The following SRPK2 variants were observed in gnomAD, a reference collection of about 807,000 sequenced individuals.
SRPK2 encodes SRSF protein kinase 2.
SRPK2 carries 21 observed loss-of-function variants against 90.8 expected under a neutral mutation model. The observed-to-expected ratio is 0.23, with a 90% CI of 0.16 to 0.33. SRPK2 has a LOEUF of 0.33. SRPK2 is among the 10% of genes least tolerant of loss of function. The pLI is 1.00. For synonymous variants in SRPK2, 288 were observed against 311.1 expected (o/e 0.93, Z 0.78); for missense variants, 620 against 869.0 (o/e 0.71, Z 3.60).
At chr7:105,288,835 G>A (rs1427581560) in intron 2 of SRPK2, among the ~76,000 whole-genome samples, 2 of 152,022 alleles carry the variant, frequency 1.3e-5, no homozygotes, top group Non-Finnish European at 2.9e-5. Context: ...TAAAGAAACT[G>A]GAGCCAAATG....
At chr7:105,308,833 C>G (rs183207852) in intron 2 of SRPK2, among the ~76,000 whole-genome samples, 6 of 152,136 alleles carry the variant, frequency 3.9e-5, no homozygotes, top group Non-Finnish European at 7.3e-5. Context: ...TAAAACTCCA[C>G]GAAAACTAAA....
At chr7:105,314,506 C>A (rs1400421484) in intron 2 of SRPK2, among the ~76,000 whole-genome samples, 2 of 152,084 alleles carry the variant, frequency 1.3e-5, no homozygotes, top group African/African-American at 4.8e-5. Flanking sequence ...GCCTCAGCCT[C>A]CTGAGTAGCT....
At chr7:105,281,576 T>C (rs1021249128) in intron 2 of SRPK2, among the ~76,000 whole-genome samples, 3 of 151,906 alleles carry the variant, frequency 2.0e-5, no homozygotes, top group Non-Finnish European at 4.4e-5. Context: ...CACTTGAGCC[T>C]TGAAGTTTAA....
At chr7:105,172,018 C>T (rs1791220451) in intron 3 of SRPK2, among the ~76,000 whole-genome samples, 1 of 152,076 alleles carries the variant, frequency 6.6e-6, no homozygotes, top group South Asian at 2.1e-4. Context: ...CTCAGCCTCC[C>T]ATGTAGCTGG....
At chr7:105,378,067 TGCTTACC>T (rs1355083304) in intron 2 of SRPK2, among the ~76,000 whole-genome samples, 1 of 152,132 alleles carries the variant, frequency 6.6e-6, no homozygotes, top group Non-Finnish European at 1.5e-5. Flanking sequence ...CCCTATTTAT[TGCTTACC>T]ACACCCTGCA....
Position 105,367,916 on chromosome 7 carries a change from T to C in SRPK2, c.71+20732A>G, listed in dbSNP as rs182537352. Among the ~76,000 whole-genome samples, 55 of 152,348 alleles carry C rather than the reference T, an allele frequency of 3.6e-4. No homozygotes were observed. The East Asian group carries it at 9.2e-3, about 26-fold the overall frequency. ...AATCTCCAAAAAATTTACCAATATA[T>C]TTATTGAAAAAAATTTCCACAGGAC... On this transcript the variant is annotated intron_variant, in intron 2 of 15. Transcript: ENST00000393651.
chr7:105,195,167 C>T (rs970931238), intron 3 of SRPK2, among the ~76,000 whole-genome samples: 2 of 152,124 alleles, frequency 1.3e-5, no homozygotes, highest in African/African-American at 4.8e-5. Context: ...CTCCTGCCTC[C>T]GCCTCCCGAG....
At chr7:105,177,847 C>T (rs1161521409) in intron 3 of SRPK2, among the ~76,000 whole-genome samples, 2 of 151,932 alleles carry the variant, frequency 1.3e-5, no homozygotes. Context: ...ACGGTGAAAC[C>T]TCATCTCTAC....
intron 3 of SRPK2, among the ~76,000 whole-genome samples, chr7:105,200,681 T>C (rs1226443914): frequency 6.6e-6 from 1 of 152,140 alleles, no homozygotes; most frequent in Non-Finnish European, 1.5e-5. Flanking sequence ...CTGTGTACCA[T>C]CTGAAAGGAT....
At chr7:105,245,562 T>C (rs1801534992) in intron 2 of SRPK2, among the ~76,000 whole-genome samples, 1 of 151,944 alleles carries the variant, frequency 6.6e-6, no homozygotes, top group Non-Finnish European at 1.5e-5. Flanking sequence ...AAATGAGGAA[T>C]GACAGATGAA....
chr7:105,166,269 G>A (rs1276904364), intron 6 of SRPK2, among the ~76,000 whole-genome samples: 1 of 152,162 alleles, frequency 6.6e-6, no homozygotes, highest in Non-Finnish European at 1.5e-5. Context: ...AGACTTAGGA[G>A]TAAACAATAT....
chr7:105,280,718 C>A (rs528055327), intron 2 of SRPK2, among the ~76,000 whole-genome samples: 20 of 150,004 alleles, frequency 1.3e-4, no homozygotes, highest in Non-Finnish European at 3.0e-4. Flanking sequence ...GAGGCCGAGG[C>A]GGGTGGATCA....
intron 2 of SRPK2, among the ~76,000 whole-genome samples, chr7:105,349,027 TC>T (rs1363019856): frequency 6.6e-6 from 1 of 151,382 alleles, no homozygotes; most frequent in East Asian, 2.0e-4. Flanking sequence ...TTTCCTGTAA[TC>T]CTAGCTACTT....
At chr7:105,228,207 T>A (rs1159150580) in intron 2 of SRPK2, among the ~76,000 whole-genome samples, 2 of 152,044 alleles carry the variant, frequency 1.3e-5, no homozygotes, top group East Asian at 3.9e-4. Context: ...TAATTTCATA[T>A]GAAAAAAAGT....
intron 3 of SRPK2, among the ~76,000 whole-genome samples, chr7:105,174,082 T>TAAAA (rs11406138): frequency 1.5e-5 from 2 of 134,974 alleles, no homozygotes; most frequent in African/African-American, 2.8e-5. Context: ...CTGTCTCTAA[T>TAAAA]AAAAAAAAAA....
At chr7:105,145,692 G>A (rs1020339519) in intron 8 of SRPK2, among the ~76,000 whole-genome samples, 1 of 152,106 alleles carries the variant, frequency 6.6e-6, no homozygotes, top group African/African-American at 2.4e-5. Flanking sequence ...GATGTACATC[G>A]ATATTTGGAA....
chr7:105,115,531 A>G (rs1381128963), downstream of SRPK2: 1 of 152,224 alleles, frequency 6.6e-6, no homozygotes, highest in Non-Finnish European at 1.5e-5. Flanking sequence ...TAGATAGGAC[A>G]TTCAATTGAA....
intron 13 of SRPK2, among the ~76,000 whole-genome samples, chr7:105,128,601 G>A (rs1311195876): frequency 1.3e-5 from 2 of 152,174 alleles, no homozygotes; most frequent in Non-Finnish European, 2.9e-5. Flanking sequence ...ACTCTAATGG[G>A]ACAACGAGGA....
At chr7:105,287,732 T>C (rs1309661203) in intron 2 of SRPK2, among the ~76,000 whole-genome samples, 1 of 152,124 alleles carries the variant, frequency 6.6e-6, no homozygotes, top group Non-Finnish European at 1.5e-5. Flanking sequence ...TGAGACTCCA[T>C]CTCAAAAAAT....
Sources: allele counts gnomAD v4.1 joint callset (sites outside exome capture counted in the v4.1 genomes callset), GRCh38; gene constraint gnomAD v4.1.1; transcripts MANE v1.5; gene names NCBI Gene and HGNC (gene_info 2026-07-23, HGNC 2026-07-21).